The following DAB1 variants were observed in gnomAD, a reference collection of about 807,000 sequenced individuals.
DAB1 encodes DAB adaptor protein 1.
DAB1 carries 15 observed loss-of-function variants against 64.6 expected under a neutral mutation model. The observed-to-expected ratio is 0.23, with a 90% CI of 0.16 to 0.36. The LOEUF is 0.36. DAB1 is among the 10% of genes least tolerant of loss of function. The pLI is 1.00. For synonymous variants in DAB1, 235 were observed against 251.9 expected (o/e 0.93, Z 0.64); for missense variants, 596 against 706.7 (o/e 0.84, Z 1.78).
chr1:58,517,131 A>T (rs1479278572), intron 2 of DAB1, among the ~76,000 whole-genome samples: 1 of 152,210 alleles, frequency 6.6e-6, no homozygotes, highest in Non-Finnish European at 1.5e-5. Flanking sequence ...CACTAGTCAG[A>T]CTACAAAACA....
At chr1:58,136,891 C>G (rs149957186) in intron 5 of DAB1, among the ~76,000 whole-genome samples, 1 of 152,108 alleles carries the variant, frequency 6.6e-6, no homozygotes, top group Admixed American at 6.5e-5. Context: ...TATACTAGAG[C>G]TGTCTAATTT....
chr1:58,122,372 G>A (rs1652799478), intron 5 of DAB1, among the ~76,000 whole-genome samples: 1 of 152,056 alleles, frequency 6.6e-6, no homozygotes, highest in Admixed American at 6.6e-5. Flanking sequence ...GATGACTTTG[G>A]GCAAGTCCCT....
chr1:58,522,808 GA>G (rs1265935062), intron 2 of DAB1, among the ~76,000 whole-genome samples: 1 of 152,012 alleles, frequency 6.6e-6, no homozygotes, highest in Non-Finnish European at 1.5e-5. Flanking sequence ...AAACCATAAG[GA>G]AGAGAAAATA....
intron 1 of DAB1, among the ~76,000 whole-genome samples, chr1:57,300,234 G>A (rs770537701): frequency 2.4e-4 from 36 of 152,276 alleles, no homozygotes; most frequent in Admixed American, 3.3e-4. Flanking sequence ...TAGATGCTCA[G>A]AAAGAAATAA....
In DAB1 at chr1:58,278,269, T is replaced by A. The variant is rs1661499344; in HGVS notation, n.309+65083A>T. Among the ~76,000 whole-genome samples, 3 of 23,674 alleles carry A rather than the reference T, an allele frequency of 1.3e-4. 1 individual carries two copies. Among genetic ancestry groups the A allele is most frequent in the African/African-American group, 2.5e-4 (2 of 8,074 alleles). The allele number at this position is 23,674 out of a possible 152,430, so 15.5% of individuals were successfully genotyped here. On this transcript the variant is annotated intron_variant and non_coding_transcript_variant, in intron 4 of 20. Coordinates refer to the DAB1 transcript ENST00000485760. ...ATACTGTCTCTCGCCTGCTGCCATG[T>A]AAGATGTGCCTGCTTCACCTTCTGC...
rs144758245 is a variant in DAB1 at position 58,204,819 on chromosome 1, T to C, written n.310-54231A>G. 4.3e-4 allele frequency among the ~76,000 whole-genome samples: 65 copies of C among 152,302 alleles called. 1 individual carries two copies. The highest frequency in any genetic ancestry group is 1.5e-3 in the African/African-American group (62 of 41,554). On this transcript the variant is annotated intron_variant and non_coding_transcript_variant, in intron 4 of 20. Transcript: ENST00000485760. The stretch of plus-strand genomic sequence containing the variant: ...AGGCACCAATGGCATCTGCTACACC[T>C]GTCTACAAAATGTGCCCATAAAAAC...
chr1:58,300,463 C>T (rs1662096872), intron 4 of DAB1, among the ~76,000 whole-genome samples: 1 of 151,200 alleles, frequency 6.6e-6, no homozygotes, highest in Admixed American at 6.6e-5. Context: ...AGGAGAATCG[C>T]TTGAACCTGG....
At chr1:58,118,542 TATATATAC>T (rs1359818468) in intron 5 of DAB1, among the ~76,000 whole-genome samples, 2 of 116,832 alleles carry the variant, frequency 1.7e-5, no homozygotes, top group African/African-American at 7.4e-5. Flanking sequence ...ATAAAATACA[TATATATAC>T]ATATATATAA....
At chr1:57,654,242 T>A (rs1313999008) in intron 6 of DAB1, among the ~76,000 whole-genome samples, 1 of 151,590 alleles carries the variant, frequency 6.6e-6, no homozygotes, top group Non-Finnish European at 1.5e-5. Flanking sequence ...AAAGAGAGAG[T>A]AAAACACCTA....
chr1:57,521,166 A>T (rs12135705), intron 7 of DAB1, among the ~76,000 whole-genome samples: 81,016 of 152,028 alleles, frequency 0.53, 23,821 homozygotes, highest in East Asian at 0.73. Flanking sequence ...TCTGCTTCTC[A>T]GATCTGTATC....
At chr1:58,295,594 A>AT (rs1398326660) in intron 4 of DAB1, among the ~76,000 whole-genome samples, 5 of 152,010 alleles carry the variant, frequency 3.3e-5, no homozygotes, top group Non-Finnish European at 7.4e-5. Flanking sequence ...TACACACTTC[A>AT]TTTTTTTGTT....
At chr1:58,403,528 G>C (rs1180698706) in intron 3 of DAB1, among the ~76,000 whole-genome samples, 1 of 152,106 alleles carries the variant, frequency 6.6e-6, no homozygotes, top group African/African-American at 2.4e-5. Flanking sequence ...AATGTCAACT[G>C]TTATTTCAGA....
chr1:58,461,465 ACAG>A (rs1416665238), intron 3 of DAB1, among the ~76,000 whole-genome samples: 1 of 152,238 alleles, frequency 6.6e-6, no homozygotes, highest in East Asian at 1.9e-4. Flanking sequence ...AGATGGAGAC[ACAG>A]AAGAGATGAA....
At chr1:58,246,128 T>C (rs376695120) in intron 4 of DAB1, among the ~76,000 whole-genome samples, 2 of 1,808 alleles carry the variant, frequency 1.1e-3, no homozygotes, top group Non-Finnish European at 5.2e-3. Flanking sequence ...TCAGAATTGT[T>C]AACAAAAATG....
rs973746682 is a variant in DAB1 at position 57,392,326 on chromosome 1, C to T, written c.-137+31604G>A. ...GGGCGGAGGTTGCAGTGAGCGAGATCGTGCCACTGCACTTCAGCCTGGGTG... is the reference window on the plus strand; with the variant it reads ...GGGCGGAGGTTGCAGTGAGCGAGATTGTGCCACTGCACTTCAGCCTGGGTG... On this transcript the variant is annotated intron_variant, in intron 1 of 14. Transcript: ENST00000371236. 4.6e-5 allele frequency among the ~76,000 whole-genome samples: 7 copies of T among 152,148 alleles called. No homozygotes were observed. The East Asian group carries it at 9.6e-4, about 21-fold the overall frequency.
At chr1:58,478,347 C>T (rs1645440370) in intron 3 of DAB1, among the ~76,000 whole-genome samples, 1 of 152,090 alleles carries the variant, frequency 6.6e-6, no homozygotes, top group Admixed American at 6.5e-5. Flanking sequence ...TACCTAGTCT[C>T]GGGTATGTCT....
At chr1:57,945,521 C>T (rs1037535534) in intron 5 of DAB1, among the ~76,000 whole-genome samples, 1 of 151,892 alleles carries the variant, frequency 6.6e-6, no homozygotes, top group African/African-American at 2.4e-5. Context: ...TTCAAGCAAT[C>T]CTCCCATCTT....
Position 57,984,184 on chromosome 1 carries a change from A to AAAAAGAAAGAAAGAAAG in DAB1, n.388-100023_388-100022insCTTTCTTTCTTTCTTTT, listed in dbSNP as rs1276859040. Among the ~76,000 whole-genome samples the AAAAAGAAAGAAAGAAAG allele has an allele frequency of 2.4e-4, 12 of 50,714 alleles. 3 individuals carry two copies. The South Asian group carries it at 4.3e-3, about 18-fold the overall frequency. 33.3% of individuals were successfully genotyped at this position (50,714 alleles called of 152,430 possible). On this transcript the variant is annotated intron_variant and non_coding_transcript_variant, in intron 5 of 20. Coordinates refer to the DAB1 transcript ENST00000485760. ...TTCAGGGCCCAGGACTAGCTTAAAAAAAAGAAAGAAAGAAAGAAAGAAAGA... is the reference window on the plus strand; with the variant it reads ...TTCAGGGCCCAGGACTAGCTTAAAAAAAAAGAAAGAAAGAAAGAAAGAAAGAAAGAAAGAAAGAAAGA...
intron 6 of DAB1, among the ~76,000 whole-genome samples, chr1:57,748,463 G>A (rs1648390514): frequency 6.6e-6 from 1 of 152,072 alleles, no homozygotes; most frequent in Non-Finnish European, 1.5e-5. Flanking sequence ...ATAAATAAAT[G>A]TATGTTAAAA....
Sources: gnomAD v4.1 joint callset for allele counts (sites outside exome capture counted in the v4.1 genomes callset) on GRCh38, gnomAD v4.1.1 for gene constraint, MANE v1.5 for transcripts, NCBI Gene and HGNC (gene_info 2026-07-23, HGNC 2026-07-21) for gene names.